The following WIPF2 variants were observed in gnomAD, a reference collection of about 807,000 sequenced individuals.
WIPF2 encodes the protein WAS/WASL interacting protein family member 2.
Under a neutral mutation model 38.8 loss-of-function variants are expected in WIPF2, and 23 were observed. The observed-to-expected ratio is 0.59, with a 90% CI of 0.43 to 0.84. The LOEUF is 0.84. Among genes scored for constraint, WIPF2 ranks in the 40% least tolerant of loss-of-function variants. The pLI, the probability that WIPF2 is intolerant of heterozygous loss-of-function variation, is 0.00. For synonymous variants in WIPF2, 210 were observed against 223.2 expected, an observed-to-expected ratio of 0.94 and a Z score of 0.53; for missense variants, 574 against 580.5, an observed-to-expected ratio of 0.99 and a Z score of 0.11.
At chr17:40,242,894 G>A (rs2031240575) in intron 1 of WIPF2, among the ~76,000 whole-genome samples, 1 of 152,200 alleles carries the variant, frequency 6.6e-6, no homozygotes, top group African/African-American at 2.4e-5. Flanking sequence ...AGGATAATGA[G>A]ATTTTTTCTT....
Position 40,273,807 on chromosome 17 carries a change from C to T in WIPF2, c.988C>T (p.Pro330Ser). 1.2e-6 allele frequency: 2 copies of T among 1,607,844 alleles called. No homozygotes were observed. The highest frequency in any genetic ancestry group is 1.7e-6 in the Non-Finnish European group (2 of 1,175,832). The change falls in exon 6 of 8, where the codon CCT (proline) becomes TCT (serine). Residue 330 changes from proline (P) to serine (S), a missense_variant. Physicochemically the swap from Pro to Ser is moderately conservative, Grantham distance 74. Coordinates refer to ENST00000323571, the MANE Select transcript of WIPF2 (RefSeq NM_133264.5). ...AATTGCAGCTCCTCCACCCCCACCA[C>T]CTGTGATCCGAAATGGTGCCAGGGA... ...SRGAAPPPPP[P>S]VIRNGARDAP...
intron 4 of WIPF2, among the ~76,000 whole-genome samples, chr17:40,263,397 T>C (rs1349185313): frequency 6.6e-6 from 1 of 152,184 alleles, no homozygotes; most frequent in Non-Finnish European, 1.5e-5. Context: ...TAATGCTTGC[T>C]CGCTCACCTT....
chr17:40,236,474 A>G (rs1433553679), intron 1 of WIPF2, among the ~76,000 whole-genome samples: 2 of 148,108 alleles, frequency 1.4e-5, no homozygotes, highest in Non-Finnish European at 3.0e-5. Flanking sequence ...AGTAGCTGGA[A>G]CTACAGGCGT....
At chr17:40,220,400 T>C (rs1388417058) in intron 1 of WIPF2, 4 of 150,818 alleles carry the variant, frequency 2.7e-5, no homozygotes, top group African/African-American at 7.3e-5. Context: ...CTTTTTTCTT[T>C]TTTTTTCTTT....
intron 1 of WIPF2, among the ~76,000 whole-genome samples, chr17:40,234,575 T>A (rs1367596433): frequency 2.0e-5 from 3 of 152,010 alleles, no homozygotes; most frequent in Non-Finnish European, 4.4e-5. Context: ...CAGTAAGCCA[T>A]GATCACACCA....
chr17:40,227,680 C>A (rs1195528957), intron 1 of WIPF2, among the ~76,000 whole-genome samples: 2 of 151,840 alleles, frequency 1.3e-5, no homozygotes, highest in African/African-American at 4.8e-5. Flanking sequence ...TGGTGAAACC[C>A]TGTCTCTATT....
At chr17:40,237,449 C>G (rs1215533192) in intron 1 of WIPF2, among the ~76,000 whole-genome samples, 1 of 151,950 alleles carries the variant, frequency 6.6e-6, no homozygotes, top group Admixed American at 6.6e-5. Flanking sequence ...CCATGTTGGC[C>G]AGGCTGGTCT....
intron 1 of WIPF2, among the ~76,000 whole-genome samples, chr17:40,233,396 T>C (rs2030829855): frequency 1.3e-5 from 2 of 152,194 alleles, no homozygotes; most frequent in Admixed American, 6.6e-5. Flanking sequence ...AACACTACTT[T>C]ATTTCTGCTT....
chr17:40,233,847 T>C (rs937964823), intron 1 of WIPF2, among the ~76,000 whole-genome samples: 34 of 152,000 alleles, frequency 2.2e-4, no homozygotes, highest in African/African-American at 8.0e-4. Flanking sequence ...GCGGATCACC[T>C]GAGGTTGGGA....
chr17:40,232,394 T>C (rs1473901561), intron 1 of WIPF2, among the ~76,000 whole-genome samples: 2 of 151,584 alleles, frequency 1.3e-5, no homozygotes, highest in Non-Finnish European at 2.9e-5. Flanking sequence ...TTCACCATGT[T>C]GGCCAGGCTG....
intron 7 of WIPF2, 94 bp downstream of exon 7, chr17:40,277,278 G>A (rs1376639505): frequency 9.2e-7 from 1 of 1,084,830 alleles, no homozygotes; most frequent in South Asian, 1.5e-5. Flanking sequence ...GCTGGGCACA[G>A]TGGCTCATAC....
At chr17:40,223,948 A>G (rs2030364406) in intron 1 of WIPF2, among the ~76,000 whole-genome samples, 2 of 151,930 alleles carry the variant, frequency 1.3e-5, no homozygotes, top group Non-Finnish European at 1.5e-5. Flanking sequence ...AACCTGGTAT[A>G]TGTTAGTCTG....
Position 40,220,609 on chromosome 17 carries a change from ATATATATATG to A in WIPF2, c.-70+1127_-70+1136del, listed in dbSNP as rs1181786600. 2.6e-4 allele frequency: 22 copies of A among 85,382 alleles called. 1 individual carries two copies. Among genetic ancestry groups the A allele is most frequent in the Admixed American group, 1.9e-3 (14 of 7,416 alleles). 5.3% of individuals were successfully genotyped at this position (85,382 alleles called of 1,614,324 possible). A position where few individuals can be genotyped will look rare whatever the true frequency, so the allele number is the denominator to read the frequency against. On this transcript the variant is annotated intron_variant, in intron 1 of 7. Transcript: ENST00000323571. The stretch of plus-strand genomic sequence containing the variant: ...TATATATATATATATATATATATAT[ATATATATATG>A]TATATATATATATTTTTTTGTTGTT...
intron 1 of WIPF2, among the ~76,000 whole-genome samples, chr17:40,252,373 A>G (rs1412199922): frequency 2.0e-5 from 3 of 152,262 alleles, no homozygotes; most frequent in Non-Finnish European, 4.4e-5. Context: ...TGATAGAACT[A>G]GAAACCCAGG....
At chr17:40,254,417 A>G (rs2145357931) in intron 1 of WIPF2, among the ~76,000 whole-genome samples, 1 of 151,996 alleles carries the variant, frequency 6.6e-6, no homozygotes, top group Non-Finnish European at 1.5e-5. Flanking sequence ...TGTAAGTTGT[A>G]CTCATGGTGG....
intron 1 of WIPF2, among the ~76,000 whole-genome samples, chr17:40,253,270 G>A (rs1404704969): frequency 6.6e-6 from 1 of 151,474 alleles, no homozygotes; most frequent in Non-Finnish European, 1.5e-5. Context: ...CACTGTGTTA[G>A]CCAGGATGGT....
At chr17:40,227,882 A>G (rs956506949) in intron 1 of WIPF2, among the ~76,000 whole-genome samples, 1 of 151,834 alleles carries the variant, frequency 6.6e-6, no homozygotes, top group Non-Finnish European at 1.5e-5. Flanking sequence ...AGTTTGTTCC[A>G]GAGATACCAG....
chr17:40,265,647 CAA>C (rs1037256045), intron 5 of WIPF2, among the ~76,000 whole-genome samples: 10 of 151,984 alleles, frequency 6.6e-5, no homozygotes, highest in Non-Finnish European at 4.4e-5. Context: ...GGCAAGACTA[CAA>C]AGAGTGAGGG....
intron 1 of WIPF2, among the ~76,000 whole-genome samples, chr17:40,224,406 ATTTTTTTTTTTT>A (rs67838907): frequency 3.4e-5 from 3 of 89,134 alleles, no homozygotes; most frequent in African/African-American, 1.2e-4. Context: ...GATTTTTTGT[ATTTTTTTTTTTT>A]TTTTTTTTGT....
Sources: gnomAD v4.1 joint callset for allele counts (sites outside exome capture counted in the v4.1 genomes callset) on GRCh38, gnomAD v4.1.1 for gene constraint, MANE v1.5 for transcripts, NCBI Gene and HGNC (gene_info 2026-07-23, HGNC 2026-07-21) for gene names.